Variants in TMCO5A observed in about 807,000 individuals in gnomAD.
TMCO5A encodes the protein transmembrane and coiled-coil domains 5A, also known as transmembrane and coiled-coil domain-containing protein 5A.
In TMCO5A, 34 loss-of-function variants were observed where a neutral mutation model predicts 42.3. The observed-to-expected ratio is 0.80, with a 90% CI of 0.61 to 1.07. The LOEUF is 1.07. Among genes scored for constraint, TMCO5A ranks in the 50% least tolerant of loss-of-function variants. The pLI is 0.00. For synonymous variants in TMCO5A, 131 were observed against 115.6 expected, an observed-to-expected ratio of 1.13 and a Z score of -0.86; for missense variants, 357 against 327.9, an observed-to-expected ratio of 1.09 and a Z score of -0.69.
rs565713504 is a variant in TMCO5A at position 37,943,382 on chromosome 15, C to G, written c.611C>G (p.Thr204Ser). The change falls in exon 10 of 12, where the codon ACC becomes AGC. Residue 204 changes from threonine to serine, a missense_variant. Transcript: ENST00000319669. ...VSMNPVEKEH[T>S]SQNNEGTPTQ... ...ATGAACCCTGTGGAAAAAGAGCATA[C>G]CAGCCAAAATAATGAGGTAAACACT... The G allele has an allele frequency of 1.2e-6, 2 of 1,612,384 alleles. No homozygotes were observed. The highest frequency in any genetic ancestry group is 1.1e-5 in the South Asian group (1 of 91,038).
the TMCO5A span, among the ~76,000 whole-genome samples, chr15:38,023,797 A>T: frequency 6.6e-6 from 1 of 152,226 alleles, no homozygotes; most frequent in Non-Finnish European, 1.5e-5. Flanking sequence ...TTTAAAAGTA[A>T]AAGTAAACCA....
chr15:37,937,195 C>A, intron 4 of TMCO5A, 151 bp from the exon 5 acceptor site: 1 of 1,085,516 alleles, frequency 9.2e-7, no homozygotes, highest in Non-Finnish European at 1.3e-6. Flanking sequence ...TGTATTTCAC[C>A]TGTGGTTTGA....
At chr15:37,946,338 C>T (rs1308294677) in intron 10 of TMCO5A, among the ~76,000 whole-genome samples, 2 of 152,054 alleles carry the variant, frequency 1.3e-5, no homozygotes, top group Non-Finnish European at 2.9e-5. Flanking sequence ...GTTGTCTTGG[C>T]TATTAGGGCT....
At chr15:38,030,075 C>A in the TMCO5A span, among the ~76,000 whole-genome samples, 4 of 152,174 alleles carry the variant, frequency 2.6e-5, no homozygotes, top group African/African-American at 4.8e-5. Flanking sequence ...TGTTCTCCAG[C>A]CTCCATGGTA....
the TMCO5A span, among the ~76,000 whole-genome samples, chr15:37,995,320 C>T: frequency 2.6e-5 from 4 of 152,194 alleles, no homozygotes; most frequent in Admixed American, 1.3e-4. Context: ...AGCTTCTCCA[C>T]ATTGTTCTTT....
rs1231327238 is a variant in TMCO5A, at chr15:37,948,329, A to G, written c.668+633A>G. ...TATATTCAATATAATCTGTTTAAGA[A>G]GGCATAAAGAAACATATATTCAAAA... On this transcript the variant is annotated intron_variant, in intron 11 of 11. Transcript: ENST00000319669. 2.0e-5 allele frequency among the ~76,000 whole-genome samples: 3 copies of G among 152,122 alleles called. No homozygotes were observed. In the East Asian group the frequency reaches 5.8e-4, roughly 29 times the overall value.
chr15:37,951,295 G>A lies in TMCO5A; in HGVS notation c.*61G>A, dbSNP rs1890151008. 1.3e-6 allele frequency: 2 copies of A among 1,518,630 alleles called. No individual in the cohort carries two copies. Among genetic ancestry groups the A allele is most frequent in the Non-Finnish European group, 1.8e-6 (2 of 1,104,730 alleles). The allele number at this position is 1,518,630 out of a possible 1,614,324, so 94.1% of individuals were successfully genotyped here. On this transcript the variant is annotated 3_prime_UTR_variant, in exon 12 of 12. Coordinates refer to ENST00000319669, the MANE Select transcript of TMCO5A (RefSeq NM_152453.4). Reference sequence around the variant, plus strand: ...GTGGGATCCGAGCCTGTAGAAGGGAGGCATGAAACTTGTGGAGGAAAGAGA... The same window carrying A: ...GTGGGATCCGAGCCTGTAGAAGGGAAGCATGAAACTTGTGGAGGAAAGAGA...
chr15:37,963,817 C>T (rs1322608814), intron 11 of TMCO5A, among the ~76,000 whole-genome samples: 1 of 152,174 alleles, frequency 6.6e-6, no homozygotes, highest in African/African-American at 2.4e-5. Flanking sequence ...CCCTCTTTCT[C>T]TTTTTTAACT....
chr15:37,986,380 GGTGTGT>G, the TMCO5A span, among the ~76,000 whole-genome samples: 320 of 139,278 alleles, frequency 2.3e-3, 1 homozygote, highest in Middle Eastern at 7.1e-3. Context: ...GGTAAGGGAT[GGTGTGT>G]GTGTGTGTGT....
chr15:38,000,066 A>G, the TMCO5A span, among the ~76,000 whole-genome samples: 5 of 152,022 alleles, frequency 3.3e-5, no homozygotes, highest in African/African-American at 9.7e-5. Flanking sequence ...CCCCTCCTCA[A>G]TTTTTCAGAA....
chr15:37,963,853 C>G (rs1437820398), intron 11 of TMCO5A, among the ~76,000 whole-genome samples: 2 of 152,132 alleles, frequency 1.3e-5, no homozygotes, highest in Admixed American at 6.6e-5. Context: ...TTTGTTTTGT[C>G]TGATATAAGA....
chr15:37,975,375 T>C, the TMCO5A span, among the ~76,000 whole-genome samples: 1 of 151,740 alleles, frequency 6.6e-6, no homozygotes, highest in African/African-American at 2.4e-5. Context: ...TATCTAAGTC[T>C]CTTTGTAGGT....
the TMCO5A span, among the ~76,000 whole-genome samples, chr15:37,975,603 T>C: frequency 1.3e-5 from 2 of 151,264 alleles, 1 homozygote; most frequent in African/African-American, 4.9e-5. Flanking sequence ...TTTTTCTCCA[T>C]CCCTTTACTT....
chr15:38,038,498 C>T, the TMCO5A span, among the ~76,000 whole-genome samples: 6 of 151,816 alleles, frequency 4.0e-5, no homozygotes, highest in Admixed American at 2.0e-4. Flanking sequence ...CTCTGCCTCC[C>T]GGGTTCATAC....
chr15:37,978,440 T>C, the TMCO5A span, among the ~76,000 whole-genome samples: 36,998 of 152,152 alleles, frequency 0.24, 10,163 homozygotes, highest in African/African-American at 0.68. Context: ...TCTGTGGCCC[T>C]CAGCCGAGGA....
At chr15:38,035,335 A>G in the TMCO5A span, among the ~76,000 whole-genome samples, 1 of 152,204 alleles carries the variant, frequency 6.6e-6, no homozygotes, top group South Asian at 2.1e-4. Flanking sequence ...AGGCCTAAAT[A>G]TAGTGCCATT....
chr15:38,000,854 G>A, the TMCO5A span, among the ~76,000 whole-genome samples: 2 of 152,112 alleles, frequency 1.3e-5, no homozygotes, highest in South Asian at 4.2e-4. Context: ...ATTCCATGTG[G>A]TCAGATAAGA....
the TMCO5A span, among the ~76,000 whole-genome samples, chr15:37,978,445 C>T: frequency 6.6e-6 from 1 of 152,194 alleles, no homozygotes; most frequent in Non-Finnish European, 1.5e-5. Context: ...GGCCCTCAGC[C>T]GAGGACCCTG....
chr15:37,951,222 G>A lies in TMCO5A; in HGVS notation c.855G>A (p.Met285Ile), dbSNP rs767254228. ...FPSLTLETED[M>I]LPH is the part of the protein sequence containing the mutation. The stretch of plus-strand genomic sequence containing the variant: ...CTCTCACACTTGAGACAGAGGACAT[G>A]TTACCCCACTGATTCCCTAAGAAAT... Residue 285 changes from methionine (M) to isoleucine (I), a missense_variant, in exon 12 of 12, where the codon ATG becomes ATA. Coordinates refer to ENST00000319669, the MANE Select transcript of TMCO5A (RefSeq NM_152453.4). 1 of 1,613,556 alleles carries A rather than the reference G, an allele frequency of 6.2e-7. No homozygotes were observed. Among genetic ancestry groups the A allele is most frequent in the South Asian group, 1.1e-5 (1 of 90,984 alleles).
Sources: gnomAD v4.1 joint callset for allele counts (sites outside exome capture counted in the v4.1 genomes callset) on GRCh38, gnomAD v4.1.1 for gene constraint, MANE v1.5 for transcripts, NCBI Gene and HGNC (gene_info 2026-07-23, HGNC 2026-07-21) for gene names.